The following HSP90AB1 variants were observed in gnomAD, a reference collection of about 807,000 sequenced individuals.
HSP90AB1 encodes the protein heat shock protein 90 alpha family class B member 1.
Under a neutral mutation model 67.8 loss-of-function variants are expected in HSP90AB1, and 17 were observed. The observed-to-expected ratio is 0.25, with a 90% CI of 0.17 to 0.38. The LOEUF (loss-of-function observed/expected upper bound fraction) is 0.38, where lower values mean the gene tolerates loss of function less well. Ranked by LOEUF, HSP90AB1 falls within the 10% of genes least tolerant of loss-of-function variation. HSP90AB1 has a pLI of 1.00. For synonymous variants in HSP90AB1, 390 were observed against 312.9 expected, an observed-to-expected ratio of 1.25 and a Z score of -2.60; for missense variants, 690 against 899.9, an observed-to-expected ratio of 0.77 and a Z score of 2.98.
Position 44,248,670 on chromosome 6 carries a change from C to T in HSP90AB1, c.41C>T (p.Thr14Ile), listed in dbSNP as rs1197325799. 3 of 1,613,804 alleles carry T rather than the reference C, an allele frequency of 1.9e-6. No individual in the cohort carries two copies. Among genetic ancestry groups the T allele is most frequent in the Non-Finnish European group, 8.5e-7 (1 of 1,179,846 alleles). Residue 14 changes from threonine (T) to isoleucine (I), a missense_variant, in exon 2 of 12, where the codon ACT becomes ATT. Physicochemically the swap from Thr to Ile is moderately conservative, Grantham distance 89. Around this residue, in one of 7 missense-constraint regions of HSP90AB1, gnomAD observed 25 missense variants for 18.0 expected, o/e 1.39. Transcript: ENST00000371646. ...CACCATGGAGAGGAGGAGGTGGAGA[C>T]TTTTGCCTTTCAGGCAGAAATTGCC... ...EVHHGEEEVE[T>I]FAFQAEIAQL...
intron 1 of HSP90AB1, chr6:44,247,730 A>G (rs944561561): frequency 6.6e-6 from 1 of 152,212 alleles, no homozygotes; most frequent in Admixed American, 6.5e-5. Context: ...CCCTCCTTCC[A>G]GATCTTTCTT....
chr6:44,249,279 C>T, intron 2 of HSP90AB1, 98 bp from the exon 3 acceptor site: 2 of 959,578 alleles, frequency 2.1e-6, no homozygotes, highest in Admixed American at 1.9e-5. Context: ...GTCAAGGCTG[C>T]AGTGAGCTGT....
chr6:44,253,237 G>A lies in HSP90AB1; in HGVS notation c.1924G>A (p.Ala642Thr). The change falls in exon 11 of 12, where the codon GCT becomes ACT. Residue 642 changes from alanine to threonine, a missense_variant. Around this residue, in one of 7 missense-constraint regions of HSP90AB1, gnomAD observed 120 missense variants for 153.5 expected, o/e 0.78. Transcript: ENST00000371646. ...HPIVETLRQK[A>T]EADKNDKAVK... Reference sequence around the variant, plus strand: ...CATTGTGGAGACGCTGCGGCAGAAGGCTGAGGCCGACAAGAATGATAAGGC... The same window carrying A: ...CATTGTGGAGACGCTGCGGCAGAAGACTGAGGCCGACAAGAATGATAAGGC... 2 of 1,614,234 alleles carry A rather than the reference G, an allele frequency of 1.2e-6. No homozygotes were observed. The highest frequency in any genetic ancestry group is 1.7e-6 in the Non-Finnish European group (2 of 1,180,036).
At chr6:44,252,735 A>G (rs1780850357) in intron 10 of HSP90AB1, among the ~76,000 whole-genome samples, 1 of 150,950 alleles carries the variant, frequency 6.6e-6, no homozygotes, top group Non-Finnish European at 1.5e-5. Context: ...TGACCTTGTG[A>G]TTCGCCCACC....
In HSP90AB1 at chr6:44,250,602, G is replaced by T; in HGVS notation, c.957+3G>T. The T allele has an allele frequency of 6.5e-7, 1 of 1,541,448 alleles. No individual in the cohort carries two copies. The highest frequency in any genetic ancestry group is 9.0e-7 in the Non-Finnish European group (1 of 1,117,126). ...GGGAAGACCACTTGGCAGTCAAGGT[G>T]TGAGAAGCCTTTGCATGTTGGCTCA... On this transcript the variant is annotated splice_donor_region_variant and intron_variant, in intron 6 of 11. Coordinates refer to ENST00000371646, the MANE Select transcript of HSP90AB1 (RefSeq NM_007355.4).
chr6:44,247,003 G>T (rs1582978059), upstream of HSP90AB1: 2 of 152,376 alleles, frequency 1.3e-5, no homozygotes, highest in African/African-American at 4.8e-5. Context: ...GGCAGGTGCG[G>T]GGTTGACAAT....
intron 10 of HSP90AB1, among the ~76,000 whole-genome samples, chr6:44,252,769 TA>T (rs1165964863): frequency 2.0e-5 from 3 of 151,746 alleles, no homozygotes; most frequent in Non-Finnish European, 4.4e-5. Context: ...GTGCTGGGAT[TA>T]ACAGGCGCAA....
chr6:44,253,321 C>G lies in HSP90AB1; in HGVS notation c.2008C>G (p.Leu670Val), dbSNP rs1384710285. Residue 670 changes from leucine to valine, a missense_variant, in exon 11 of 12, where the codon CTT becomes GTT. This residue lies in a region of HSP90AB1 where 120 missense variants were observed against 153.5 expected (regional missense o/e 0.78). Transcript: ENST00000371646. ...CGCCCTGCTATCTTCTGGCTTTTCC[C>G]TTGAGGATCCCCAGACCCACTCCAA... is the stretch of plus-strand genomic sequence containing the variant. ...ETALLSSGFS[L>V]EDPQTHSNRI... 5 of 1,614,090 alleles carry G rather than the reference C, an allele frequency of 3.1e-6. No homozygotes were observed. The highest frequency in any genetic ancestry group is 4.2e-6 in the Non-Finnish European group (5 of 1,180,044).
chr6:44,250,488 A>C lies in HSP90AB1; in HGVS notation c.846A>C (p.Leu282=), dbSNP rs34684798. Residue 282 remains leucine (L), a synonymous_variant, in exon 6 of 12, where the codon CTA becomes CTC. Coordinates refer to ENST00000371646, the MANE Select transcript of HSP90AB1 (RefSeq NM_007355.4). The part of the protein sequence containing the change: ...IKEKYIDQEE[L]NKTKPIWTRN... ...AGAAATACATTGATCAGGAAGAACT[A>C]AACAAGACCAAGCCTATTTGGACCA... 1 of 1,613,988 alleles carries C rather than the reference A, an allele frequency of 6.2e-7. No individual in the cohort carries two copies. The highest frequency in any genetic ancestry group is 2.2e-5 in the East Asian group (1 of 44,886).
At position 44,249,741 on chromosome 6, in the gene HSP90AB1, G is replaced by A; in HGVS notation, c.421G>A (p.Glu141Lys). The A allele has an allele frequency of 6.2e-7, 1 of 1,614,122 alleles. No homozygotes were observed. The highest frequency in any genetic ancestry group is 8.5e-7 in the Non-Finnish European group (1 of 1,179,998). Residue 141 changes from glutamate to lysine, a missense_variant, in exon 4 of 12, where the codon GAG becomes AAG. Glu to Lys is a moderately conservative substitution (Grantham distance 56, BLOSUM62 1). Coordinates refer to ENST00000371646, the MANE Select transcript of HSP90AB1 (RefSeq NM_007355.4). ...CTTTTATTCTGCCTACTTGGTGGCA[G>A]AGAAAGTGGTTGTGATCACAAAGCA... ...VGFYSAYLVA[E>K]KVVVITKHND...
chr6:44,250,901 TA>T, intron 6 of HSP90AB1, 146 bp from the exon 7 acceptor site: 1 of 732,514 alleles, frequency 1.4e-6, no homozygotes. Context: ...TGGAGGGCAT[TA>T]AGGCTCAGTT....
chr6:44,249,934 ACAG>A, intron 4 of HSP90AB1, 84 bp from the exon 5 acceptor site: 1 of 1,583,136 alleles, frequency 6.3e-7, no homozygotes. Context: ...GCAGTTCTTC[ACAG>A]CAGTTCTGCT....
chr6:44,252,358 C>T (rs1780751411), intron 10 of HSP90AB1, 91 bp downstream of exon 10: 2 of 1,200,998 alleles, frequency 1.7e-6, no homozygotes, highest in Non-Finnish European at 2.4e-6. Context: ...TGGTTTGAGG[C>T]AGCCTATTTA....
intron 10 of HSP90AB1, 77 bp downstream of exon 10, chr6:44,252,344 T>C: frequency 2.9e-6 from 4 of 1,359,624 alleles, no homozygotes; most frequent in Non-Finnish European, 4.1e-6. Context: ...TTCTATACAA[T>C]TAGTGGTTTG....
chr6:44,253,097 C>T lies in HSP90AB1; in HGVS notation c.1784C>T (p.Thr595Ile), dbSNP rs754430293. Residue 595 changes from threonine (T) to isoleucine (I), a missense_variant, in exon 11 of 12, where the codon ACC becomes ATC. By Grantham distance (89) the Thr-to-Ile change is moderately conservative. Transcript: ENST00000371646. ...TCACCTTGCTGCATTGTGACCAGCA[C>T]CTACGGCTGGACAGCCAATATGGAG... ...VSSPCCIVTS[T>I]YGWTANMERI... 5 of 1,614,124 alleles carry T rather than the reference C, an allele frequency of 3.1e-6. No homozygotes were observed. The highest frequency in any genetic ancestry group is 1.3e-5 in the African/African-American group (1 of 75,050).
At chr6:44,253,461 A>G (rs751639997) in intron 11 of HSP90AB1, 28 bp from the exon 12 acceptor site, 3 of 1,608,930 alleles carry the variant, frequency 1.9e-6, no homozygotes, top group South Asian at 2.2e-5. Flanking sequence ...TATTTGGTCA[A>G]GTCTCACATG....
chr6:44,249,399 A>G lies in HSP90AB1; in HGVS notation c.170A>G (p.Glu57Gly), dbSNP rs1377574794. 2 of 1,613,952 alleles carry G rather than the reference A, an allele frequency of 1.2e-6. No individual in the cohort carries two copies. The highest frequency in any genetic ancestry group is 2.2e-5 in the South Asian group (2 of 91,082). Residue 57 changes from glutamate (E) to glycine (G), a missense_variant, in exon 3 of 12, where the codon GAG (glutamate) becomes GGG (glycine). Physicochemically the swap from Glu to Gly is moderately conservative, Grantham distance 98 (BLOSUM62 -2). Around this residue, in one of 7 missense-constraint regions of HSP90AB1, gnomAD observed 88 missense variants for 167.7 expected, o/e 0.52. Transcript: ENST00000371646. ...CAGGCCTTGGACAAGATTCGCTATG[A>G]GAGCCTGACAGACCCTTCGAAGTTG... ...ASDALDKIRY[E>G]SLTDPSKLDS...
At position 44,249,778 on chromosome 6, in the gene HSP90AB1, A is replaced by G. The variant is rs150511888; in HGVS notation, c.458A>G (p.Glu153Gly). The change falls in exon 4 of 12, where the codon GAA (glutamate) becomes GGA (glycine). Residue 153 changes from glutamate to glycine, a missense_variant. This residue lies in a region of HSP90AB1 where 146 missense variants were observed against 143.7 expected (regional missense o/e 1.02). Coordinates refer to ENST00000371646, the MANE Select transcript of HSP90AB1 (RefSeq NM_007355.4). The stretch of plus-strand genomic sequence containing the variant: ...GTGATCACAAAGCACAACGATGATG[A>G]ACAGTATGCTTGGGAGTCTTCTGCT... ...VVVITKHNDD[E>G]QYAWESSAGG... The G allele has an allele frequency of 6.2e-7, 1 of 1,613,858 alleles. No homozygotes were observed. The highest frequency in any genetic ancestry group is 8.5e-7 in the Non-Finnish European group (1 of 1,179,970).
chr6:44,249,627 GT>G, intron 3 of HSP90AB1, 44 bp downstream of exon 3: 1 of 1,611,036 alleles, frequency 6.2e-7, no homozygotes, highest in Non-Finnish European at 8.5e-7. Context: ...GTGTTCTTTG[GT>G]TTTTTGCTTC....
Sources: gnomAD v4.1 joint callset for allele counts (sites outside exome capture counted in the v4.1 genomes callset) on GRCh38, gnomAD v4.1.1 for gene constraint, gnomAD v4.1.1 regional missense constraint, MANE v1.5 for transcripts, NCBI Gene and HGNC (gene_info 2026-07-23, HGNC 2026-07-21) for gene names.